The following MTMR6 variants were observed in gnomAD, a reference collection of about 807,000 sequenced individuals.
The protein encoded by MTMR6 is myotubularin related protein 6.
Under a neutral mutation model 80.1 loss-of-function variants are expected in MTMR6, and 47 were observed. The observed-to-expected ratio is 0.59, with a 90% confidence interval of 0.46 to 0.75. The LOEUF is 0.75. Among genes scored for constraint, MTMR6 ranks in the 30% least tolerant of loss-of-function variants. The pLI, the probability that MTMR6 is intolerant of heterozygous loss-of-function variation, is 0.00. For missense variants in MTMR6, 629 were observed against 730.9 expected, an observed-to-expected ratio of 0.86 and a Z score of 1.61; for synonymous variants, 254 against 253.0, an observed-to-expected ratio of 1.00 and a Z score of -0.04.
At chr13:25,281,797 G>A (rs532810983) in intron 1 of MTMR6, among the ~76,000 whole-genome samples, 13 of 152,280 alleles carry the variant, frequency 8.5e-5, no homozygotes, top group African/African-American at 2.9e-4. Context: ...GAAGTGGAGG[G>A]CAGAGATTAT....
chr13:25,287,097 C>G (rs113342357), intron 1 of MTMR6, 127 bp downstream of exon 1: 16 of 1,393,502 alleles, frequency 1.1e-5, no homozygotes, highest in Middle Eastern at 2.2e-4. Context: ...CAGACCCTCC[C>G]GCCCCGGGCC....
rs1367231010 is a variant in MTMR6, at chr13:25,266,272, G to A, written c.319C>T (p.Leu107Phe). Residue 107 changes from leucine (L) to phenylalanine (F), a missense_variant, in exon 4 of 14, where the codon CTC becomes TTC. Coordinates refer to ENST00000381801, the MANE Select transcript of MTMR6 (RefSeq NM_004685.5). Reference protein sequence around the residue: ...QLSKQAKYEDLYAFSYNPKQN... With the variant: ...QLSKQAKYEDFYAFSYNPKQN... ...TTGGGATTATAAGAAAATGCATAGA[G>A]ATCTTCATATTTTGCTACAGAATAC... The A allele has an allele frequency of 1.2e-6, 2 of 1,611,124 alleles. No homozygotes were observed. Among genetic ancestry groups the A allele is most frequent in the South Asian group, 1.1e-5 (1 of 90,920 alleles).
At chr13:25,265,056 CTAATATAAGCAACCCTTAT>C (rs1364938968) in intron 5 of MTMR6, among the ~76,000 whole-genome samples, 1 of 152,136 alleles carries the variant, frequency 6.6e-6, no homozygotes, top group Admixed American at 6.5e-5. Flanking sequence ...GTAAGTTTTA[CTAATATAAGCAACCCTTAT>C]TACAGCATCT....
chr13:25,259,902 C>T (rs1957294810), intron 6 of MTMR6, among the ~76,000 whole-genome samples: 1 of 151,730 alleles, frequency 6.6e-6, no homozygotes, highest in Non-Finnish European at 1.5e-5. Context: ...TTTTTTGTCA[C>T]CCAGTCTGGA....
At chr13:25,254,981 CTTGAATGGACTGACTT>C (rs1362479176) in intron 9 of MTMR6, among the ~76,000 whole-genome samples, 3 of 152,156 alleles carry the variant, frequency 2.0e-5, no homozygotes, top group African/African-American at 7.2e-5. Context: ...CATCTATCCT[CTTGAATGGACTGACTT>C]TATGTTTTCC....
rs372536186 is a variant in MTMR6 at position 25,265,973 on chromosome 13, C to T, written c.463-26G>A. 2.5e-6 allele frequency: 4 copies of T among 1,608,150 alleles called. No individual in the cohort carries two copies. In the African/African-American group the frequency reaches 4.0e-5, roughly 16 times the overall value. ...CTGTAAATATCAAACAAAACATAAC[C>T]ATTGTATTCTTAGTTCAAAACCACT... On this transcript the variant is annotated intron_variant, in intron 4 of 13. Transcript: ENST00000381801.
chr13:25,268,902 G>T (rs550997782), intron 2 of MTMR6, among the ~76,000 whole-genome samples: 1 of 152,262 alleles, frequency 6.6e-6, no homozygotes, highest in South Asian at 2.1e-4. Flanking sequence ...CCCCCTGCAG[G>T]TTCAGAAGTG....
intron 1 of MTMR6, among the ~76,000 whole-genome samples, chr13:25,277,521 G>A (rs1957750549): frequency 6.6e-6 from 1 of 152,168 alleles, no homozygotes; most frequent in African/African-American, 2.4e-5. Context: ...CAATTTACCA[G>A]TGATCCCTTT....
intron 2 of MTMR6, among the ~76,000 whole-genome samples, chr13:25,269,819 A>G (rs1957532837): frequency 6.6e-6 from 1 of 150,722 alleles, no homozygotes; most frequent in Non-Finnish European, 1.5e-5. Context: ...CAAATAATTA[A>G]CACACACACA....
At position 25,249,282 on chromosome 13, in the gene MTMR6, C is replaced by G; in HGVS notation, c.1816G>C (p.Glu606Gln). ...TACTCTAAGCTGACCACAGCAGGTT[C>G]TGATTTAGAAAACTCTTCTGCATAT... ...SEYAEEFSKSEPAVVSLEYGV... is the reference protein window; with the variant it reads ...SEYAEEFSKSQPAVVSLEYGV... Residue 606 changes from glutamate to glutamine, a missense_variant, in exon 14 of 14, where the codon GAA becomes CAA. Transcript: ENST00000381801. 2 of 1,614,108 alleles carry G rather than the reference C, an allele frequency of 1.2e-6. No homozygotes were observed.
intron 1 of MTMR6, among the ~76,000 whole-genome samples, chr13:25,274,752 A>T (rs1957667284): frequency 6.6e-6 from 1 of 152,058 alleles, no homozygotes; most frequent in Non-Finnish European, 1.5e-5. Flanking sequence ...ATTCTTCAAG[A>T]CTCACTAACA....
chr13:25,287,345 C>G lies in MTMR6; in HGVS notation c.-98G>C, dbSNP rs1178867954. On this transcript the variant is annotated 5_prime_UTR_variant, in exon 1 of 14. Coordinates refer to ENST00000381801, the MANE Select transcript of MTMR6 (RefSeq NM_004685.5). ...GACAGAGAGCAAGCGGGAACTCCCTCCACCAGCCAGCGCCGCGGGTCTGTC... is the reference window on the plus strand; with the variant it reads ...GACAGAGAGCAAGCGGGAACTCCCTGCACCAGCCAGCGCCGCGGGTCTGTC... 4.7e-6 allele frequency: 7 copies of G among 1,475,636 alleles called. No homozygotes were observed. Among genetic ancestry groups the G allele is most frequent in the Non-Finnish European group, 6.4e-6 (7 of 1,090,712 alleles). The allele number at this position is 1,475,636 out of a possible 1,614,324, so 91.4% of individuals were successfully genotyped here. A position where few individuals can be genotyped will look rare whatever the true frequency, so the allele number is the denominator to read the frequency against.
chr13:25,259,285 G>GA (rs893462775), intron 6 of MTMR6, among the ~76,000 whole-genome samples: 6 of 152,226 alleles, frequency 3.9e-5, no homozygotes, highest in South Asian at 2.1e-4. Context: ...TGGTCTCCAG[G>GA]AAAAAACAGA....
intron 3 of MTMR6, 123 bp from the exon 4 acceptor site, chr13:25,266,409 T>A: frequency 1.3e-6 from 1 of 762,118 alleles, no homozygotes; most frequent in South Asian, 2.0e-5. Flanking sequence ...AGATGGCTAA[T>A]ACCTGAATAC....
chr13:25,274,943 C>CAG (rs1566042647), intron 1 of MTMR6, among the ~76,000 whole-genome samples: 285 of 46,662 alleles, frequency 6.1e-3, no homozygotes, highest in African/African-American at 8.2e-3. Context: ...TAGACAGACA[C>CAG]ACACACACAC....
chr13:25,251,846 A>G lies in MTMR6; in HGVS notation c.1478+7T>C. Reference sequence around the variant, plus strand: ...CAAGTATAAATACTCCAATGATGTCAACTTACTTAAAATTGAAAGATACTG... The same window carrying G: ...CAAGTATAAATACTCCAATGATGTCGACTTACTTAAAATTGAAAGATACTG... On this transcript the variant is annotated splice_region_variant and intron_variant, in intron 12 of 13. Coordinates refer to ENST00000381801, the MANE Select transcript of MTMR6 (RefSeq NM_004685.5). This position sits in a 1 kb window ranked among gnomAD's most constrained non-coding sequence, Gnocchi z 4.1. 1 of 1,605,678 alleles carries G rather than the reference A, an allele frequency of 6.2e-7. No individual in the cohort carries two copies. The highest frequency in any genetic ancestry group is 8.5e-7 in the Non-Finnish European group (1 of 1,177,816).
At chr13:25,262,524 C>T (rs750642406) in intron 5 of MTMR6, among the ~76,000 whole-genome samples, 42 of 152,152 alleles carry the variant, frequency 2.8e-4, no homozygotes, top group Admixed American at 4.6e-4. Flanking sequence ...CACACCACCA[C>T]GCCTGACTAA....
rs1213444924 is a variant in MTMR6 at position 25,274,710 on chromosome 13, A to G, written c.25-523T>C. On this transcript the variant is annotated intron_variant, in intron 1 of 13. Transcript: ENST00000381801. ...TACTCACACTGTTCTCTGTTTCTAA[A>G]ATGGTCTCTTCTGCTTAGCTAAGTG... 2.6e-5 allele frequency among the ~76,000 whole-genome samples: 4 copies of G among 152,012 alleles called. No homozygotes were observed. The East Asian group carries it at 7.7e-4, about 29-fold the overall frequency.
Position 25,249,458 on chromosome 13 carries a change from C to T in MTMR6, c.1640G>A (p.Gly547Asp), listed in dbSNP as rs778518214. Residue 547 changes from glycine (G) to aspartate (D), a missense_variant, in exon 14 of 14, where the codon GGC (glycine) becomes GAC (aspartate). Physicochemically the swap from Gly to Asp is moderately conservative, Grantham distance 94. Transcript: ENST00000381801. Reference protein sequence around the residue: ...IKQRKNKQTDGILTKELLHSV... With the variant: ...IKQRKNKQTDDILTKELLHSV... ...ATGTAACAATTCCTTGGTGAGGATG[C>T]CATCTGTTTGCTTATTTTTGCGTTG... is the stretch of plus-strand genomic sequence containing the variant. 4 of 1,613,564 alleles carry T rather than the reference C, an allele frequency of 2.5e-6. No individual in the cohort carries two copies. Among genetic ancestry groups the T allele is most frequent in the African/African-American group, 2.7e-5 (2 of 74,894 alleles).
Sources: allele counts gnomAD v4.1 joint callset (sites outside exome capture counted in the v4.1 genomes callset), GRCh38; gene constraint gnomAD v4.1.1; non-coding constraint Gnocchi (gnomAD v3.1); transcripts MANE v1.5; gene names NCBI Gene and HGNC (gene_info 2026-07-23, HGNC 2026-07-21).